PGPEP1: variants seen among roughly 807,000 people sequenced by gnomAD.
PGPEP1 encodes pyroglutamyl-peptidase 1.
Under a neutral mutation model 24.1 loss-of-function variants are expected in PGPEP1, and 15 were observed. The ratio of observed to expected loss-of-function variants is 0.62; its 90% CI spans 0.42 to 0.96. The LOEUF (loss-of-function observed/expected upper bound fraction) is 0.96. PGPEP1 is among the 40% of genes least tolerant of loss of function. PGPEP1 has a pLI of 0.00. For synonymous variants in PGPEP1, 122 were observed against 116.4 expected (o/e 1.05, Z -0.31); for missense variants, 242 against 273.4 (o/e 0.89, Z 0.81).
chr19:18,357,386 G>C lies in PGPEP1; in HGVS notation c.208G>C (p.Val70Leu), dbSNP rs1971213695. The stretch of plus-strand genomic sequence containing the variant: ...TCCTGCCCCTGTCTGTGTGCAGCTG[G>C]TGGTGCATGTGGGGGTGTCAGGCAT... ...ALWEKHSPQL[V>L]VHVGVSGMAT... The change falls in exon 4 of 5, where the codon GTG becomes CTG. Residue 70 changes from valine (V) to leucine (L), a missense_variant. Physicochemically the swap from Val to Leu is conservative, Grantham distance 32. Transcript: ENST00000269919. 5 of 1,612,890 alleles carry C rather than the reference G, an allele frequency of 3.1e-6. No individual in the cohort carries two copies. The highest frequency in any genetic ancestry group is 4.2e-6 in the Non-Finnish European group (5 of 1,179,258).
Position 18,367,155 on chromosome 19 carries a change from CAA to C in PGPEP1, c.*3591_*3592del, listed in dbSNP as rs59537099. The C allele has an allele frequency of 3.2e-4, 30 of 95,196 alleles. No homozygotes were observed. Among genetic ancestry groups the C allele is most frequent in the African/African-American group, 6.5e-4 (13 of 20,026 alleles). 5.9% of individuals were successfully genotyped at this position (95,196 alleles called of 1,614,324 possible). ...CGGGTGACACAGCAAGACTCTGTCTCAAAAAAAAAAAAAAAAAAAATCCTCAT... is the reference window on the plus strand; with the variant it reads ...CGGGTGACACAGCAAGACTCTGTCTCAAAAAAAAAAAAAAAAAATCCTCAT... On this transcript the variant is annotated 3_prime_UTR_variant, in exon 5 of 5. Coordinates refer to ENST00000269919, the MANE Select transcript of PGPEP1 (RefSeq NM_017712.4).
At position 18,357,576 on chromosome 19, in the gene PGPEP1, G is replaced by T. The variant is rs1346274992; in HGVS notation, c.398G>T (p.Gly133Val). 1 of 1,612,058 alleles carries T rather than the reference G, an allele frequency of 6.2e-7. No individual in the cohort carries two copies. The highest frequency in any genetic ancestry group is 1.7e-5 in the Admixed American group (1 of 59,754). Residue 133 changes from glycine to valine, a missense_variant, in exon 4 of 5, where the codon GGC (glycine) becomes GTC (valine). Physicochemically the swap from Gly to Val is moderately radical, Grantham distance 109 (BLOSUM62 -3). Coordinates refer to ENST00000269919, the MANE Select transcript of PGPEP1 (RefSeq NM_017712.4). Reference sequence around the variant, plus strand: ...GTGTGCAAGCGAGTCACCACGTTGGGCCTGGATGTGTCGGTGACCATCTCG... The same window carrying T: ...GTGTGCAAGCGAGTCACCACGTTGGTCCTGGATGTGTCGGTGACCATCTCG... ...DAVCKRVTTL[G>V]LDVSVTISQD...
At chr19:18,342,940 G>C in intron 2 of PGPEP1, 29 bp downstream of exon 2, 2 of 1,576,986 alleles carry the variant, frequency 1.3e-6, no homozygotes, top group Non-Finnish European at 1.7e-6. Flanking sequence ...GTGGGAGTCA[G>C]GCTTGGAGCT....
chr19:18,360,517 A>AT (rs1214455282), intron 4 of PGPEP1, among the ~76,000 whole-genome samples: 4 of 146,856 alleles, frequency 2.7e-5, no homozygotes, highest in Admixed American at 2.7e-4. Flanking sequence ...TTTATTTTTT[A>AT]TTTTTATTTT....
At chr19:18,356,698 T>G (rs548456964) in intron 3 of PGPEP1, among the ~76,000 whole-genome samples, 8 of 151,104 alleles carry the variant, frequency 5.3e-5, no homozygotes, top group African/African-American at 1.9e-4. Context: ...GAGCCAAGAT[T>G]TTTATGCCAC....
At chr19:18,347,532 GTC>G (rs1157236997) in intron 2 of PGPEP1, among the ~76,000 whole-genome samples, 1 of 150,722 alleles carries the variant, frequency 6.6e-6, no homozygotes, top group Admixed American at 6.6e-5. Context: ...CCCTGTGTGT[GTC>G]TCTGTCTCCT....
At chr19:18,361,994 C>T in intron 4 of PGPEP1, 1 of 471,760 alleles carries the variant, frequency 2.1e-6, no homozygotes, top group Non-Finnish European at 2.8e-6. Context: ...AAGCCACTCC[C>T]TGTCAGTGGG....
chr19:18,363,519 T>C lies in PGPEP1; in HGVS notation c.566T>C (p.Ile189Thr), dbSNP rs367940567. 22 of 1,614,040 alleles carry C rather than the reference T, an allele frequency of 1.4e-5. No individual in the cohort carries two copies. In the Middle Eastern group the frequency reaches 4.9e-4, roughly 36 times the overall value. Residue 189 changes from isoleucine (I) to threonine (T), a missense_variant, in exon 5 of 5, where the codon ATT becomes ACT. Physicochemically the swap from Ile to Thr is moderately conservative, Grantham distance 89 (BLOSUM62 -1). Transcript: ENST00000269919. ...DQLGRALRAI[I>T]EEMLDLLEQS... ...CTGGGCAGGGCACTGAGAGCCATCA[T>C]TGAGGAGATGTTGGACCTCCTGGAG...
rs1971538543 is a variant in PGPEP1 at position 18,366,081 on chromosome 19, G to GCCCT, written c.*2498_*2499insCCCT. ...TGTGGGGAACAACTGAAGACTCAGG[G>GCCCT]GTCACCCAGAGGTCTGGTGGAAAGC... On this transcript the variant is annotated 3_prime_UTR_variant, in exon 5 of 5. Transcript: ENST00000269919. The GCCCT allele has an allele frequency of 6.6e-6, 1 of 152,108 alleles. No homozygotes were observed. Among genetic ancestry groups the GCCCT allele is most frequent in the Non-Finnish European group, 1.5e-5 (1 of 68,056 alleles). The allele number at this position is 152,108 out of a possible 1,614,324, so 9.4% of individuals were successfully genotyped here.
intron 4 of PGPEP1, among the ~76,000 whole-genome samples, chr19:18,362,586 C>T (rs1248385390): frequency 6.7e-6 from 1 of 149,542 alleles, no homozygotes; most frequent in Non-Finnish European, 1.5e-5. Context: ...ATTAGCCAGA[C>T]GTGGTGTGGC....
intron 2 of PGPEP1, among the ~76,000 whole-genome samples, chr19:18,346,489 C>T (rs1970846830): frequency 6.6e-6 from 1 of 152,072 alleles, no homozygotes; most frequent in African/African-American, 2.4e-5. Flanking sequence ...CTCTGTGTCT[C>T]TCCCCTCTTG....
chr19:18,359,818 T>C (rs1000924924), intron 4 of PGPEP1, among the ~76,000 whole-genome samples: 3 of 151,114 alleles, frequency 2.0e-5, no homozygotes, highest in African/African-American at 7.3e-5. Flanking sequence ...TGGCCCTCTT[T>C]CCAGTCTTAA....
rs1388476013 is a variant in PGPEP1 at position 18,365,710 on chromosome 19, C to T, written c.*2127C>T. On this transcript the variant is annotated 3_prime_UTR_variant, in exon 5 of 5. Transcript: ENST00000269919. ...CGTTCACCTTCCTTGTCTCCAGTTCCGATGCTGGCAGTGGTTCCTACCTCT... is the reference window on the plus strand; with the variant it reads ...CGTTCACCTTCCTTGTCTCCAGTTCTGATGCTGGCAGTGGTTCCTACCTCT... 1 of 152,168 alleles carries T rather than the reference C, an allele frequency of 6.6e-6. No individual in the cohort carries two copies. Among genetic ancestry groups the T allele is most frequent in the African/African-American group, 2.4e-5 (1 of 41,424 alleles). The allele number at this position is 152,168 out of a possible 1,614,324, so 9.4% of individuals were successfully genotyped here. A position where few individuals can be genotyped will look rare whatever the true frequency, so the allele number is the denominator to read the frequency against.
At chr19:18,347,128 G>A (rs1464629685) in intron 2 of PGPEP1, among the ~76,000 whole-genome samples, 1 of 150,328 alleles carries the variant, frequency 6.7e-6, no homozygotes, top group African/African-American at 2.4e-5. Flanking sequence ...ATGGTCGATT[G>A]AACGAGTGAG....
intron 2 of PGPEP1, among the ~76,000 whole-genome samples, chr19:18,353,323 G>C (rs1971091290): frequency 6.6e-6 from 1 of 151,606 alleles, no homozygotes; most frequent in East Asian, 1.9e-4. Flanking sequence ...CCTGGCTCAA[G>C]CAATCCTCCC....
rs1568320736 is a variant in PGPEP1 at position 18,364,079 on chromosome 19, G to GTTCTTTCTTTCTTTCTTTCTTT, written c.*496_*497insTTCTTTCTTTCTTTCTTTCTTT. 2 of 42,896 alleles carry GTTCTTTCTTTCTTTCTTTCTTT rather than the reference G, an allele frequency of 4.7e-5. No individual in the cohort carries two copies. Among genetic ancestry groups the GTTCTTTCTTTCTTTCTTTCTTT allele is most frequent in the South Asian group, 7.9e-4 (1 of 1,262 alleles). The allele number at this position is 42,896 out of a possible 1,614,324, so 2.7% of individuals were successfully genotyped here. On this transcript the variant is annotated 3_prime_UTR_variant, in exon 5 of 5. Transcript: ENST00000269919. ...GGCCACCCTGGGATATGGCTGGCTG[G>GTTCTTTCTTTCTTTCTTTCTTT]CTGGCTTTCTTTCTTTCTTTCTTTC...
intron 2 of PGPEP1, 116 bp downstream of exon 2, chr19:18,343,027 T>C (rs1970719351): frequency 1.3e-5 from 9 of 714,456 alleles, no homozygotes; most frequent in South Asian, 3.4e-5. Context: ...TGAGACGAAA[T>C]CTTACTCTGT....
chr19:18,348,548 C>A (rs1970928899), intron 2 of PGPEP1, among the ~76,000 whole-genome samples: 1 of 152,214 alleles, frequency 6.6e-6, no homozygotes, highest in Middle Eastern at 3.4e-3. Context: ...CCCTGCCCCC[C>A]TTCTCCCGGA....
chr19:18,357,373 C>T lies in PGPEP1; in HGVS notation c.205-10C>T. ...AGGCCATGTTAAGTCCTGCCCCTGT[C>T]TGTGTGCAGCTGGTGGTGCATGTGG... On this transcript the variant is annotated splice_polypyrimidine_tract_variant and intron_variant, in intron 3 of 4. Transcript: ENST00000269919. 1 of 1,609,226 alleles carries T rather than the reference C, an allele frequency of 6.2e-7. No homozygotes were observed. Among genetic ancestry groups the T allele is most frequent in the Non-Finnish European group, 8.5e-7 (1 of 1,176,398 alleles).
Sources: gnomAD v4.1 joint callset for allele counts (sites outside exome capture counted in the v4.1 genomes callset) on GRCh38, gnomAD v4.1.1 for gene constraint, MANE v1.5 for transcripts, NCBI Gene and HGNC (gene_info 2026-07-23, HGNC 2026-07-21) for gene names.